UTRN: variants seen among roughly 807,000 people sequenced by gnomAD.
UTRN encodes the protein utrophin.
Under a neutral mutation model 463.9 loss-of-function variants are expected in UTRN, and 283 were observed. That is an observed-to-expected ratio of 0.61 (90% CI 0.55 to 0.67). UTRN has a LOEUF of 0.67. Among genes scored for constraint, UTRN ranks in the 30% least tolerant of loss-of-function variants. UTRN has a pLI of 0.00. For missense variants in UTRN, 3,922 were observed against 4,084.3 expected (o/e 0.96, Z 1.08); for synonymous variants, 1,442 against 1,431.5 (o/e 1.01, Z -0.17).
At chr6:144,730,549 C>A in intron 54 of UTRN, 63 bp downstream of exon 54, 1 of 1,452,390 alleles carries the variant, frequency 6.9e-7, no homozygotes, top group Non-Finnish European at 9.1e-7. Flanking sequence ...AACCCAAAAT[C>A]AAGTAGGAAA....
At chr6:144,367,821 G>A (rs1779638455) in intron 2 of UTRN, among the ~76,000 whole-genome samples, 1 of 151,974 alleles carries the variant, frequency 6.6e-6, no homozygotes, top group South Asian at 2.1e-4. Context: ...TCACTCTTTT[G>A]CCCAGGCTGG....
chr6:144,327,064 T>A (rs141671853), intron 2 of UTRN, among the ~76,000 whole-genome samples: 3 of 152,218 alleles, frequency 2.0e-5, no homozygotes, highest in East Asian at 3.9e-4. Context: ...CTGTCTGCTG[T>A]GTGAAGCCGA....
Position 144,469,733 on chromosome 6 carries a change from T to C in UTRN, c.3067-3987T>C, listed in dbSNP as rs527818313. Among the ~76,000 whole-genome samples, 30 of 150,546 alleles carry C rather than the reference T, an allele frequency of 2.0e-4. No homozygotes were observed. The South Asian group carries it at 6.3e-3, about 31-fold the overall frequency. ...TTTTTTTAGTATTTATTGATCATTT[T>C]TGGGTGTTTCTCGGAGAGGGGGATT... On this transcript the variant is annotated intron_variant, in intron 23 of 74. Coordinates refer to ENST00000367545, the MANE Select transcript of UTRN (RefSeq NM_007124.3).
intron 52 of UTRN, among the ~76,000 whole-genome samples, chr6:144,694,852 G>C (rs116980491): frequency 0.018 from 2,671 of 151,712 alleles, 33 homozygotes; most frequent in Admixed American, 0.026. Context: ...TCCTGGATAA[G>C]TTGATCTTTT....
chr6:144,468,356 G>C (rs1010511105), intron 23 of UTRN, among the ~76,000 whole-genome samples: 2 of 152,078 alleles, frequency 1.3e-5, no homozygotes, highest in East Asian at 1.9e-4. Context: ...GGTCCATGTA[G>C]ACTTTGACCC....
intron 53 of UTRN, among the ~76,000 whole-genome samples, chr6:144,703,800 A>C (rs1374348271): frequency 6.6e-6 from 1 of 152,214 alleles, no homozygotes; most frequent in East Asian, 1.9e-4. Flanking sequence ...TATGAACAAA[A>C]GTACAGAAAA....
At chr6:144,639,397 A>G (rs1777534168) in intron 51 of UTRN, among the ~76,000 whole-genome samples, 1 of 152,070 alleles carries the variant, frequency 6.6e-6, no homozygotes, top group African/African-American at 2.4e-5. Flanking sequence ...TTCACTGGAT[A>G]TACTCTTCCC....
At chr6:144,413,576 T>C (rs1784104203) in intron 3 of UTRN, among the ~76,000 whole-genome samples, 1 of 152,116 alleles carries the variant, frequency 6.6e-6, no homozygotes, top group South Asian at 2.1e-4. Flanking sequence ...ACTGGGCACC[T>C]CCCATGACAC....
chr6:144,667,024 TTCCTCCTCC>T (rs58206153), intron 51 of UTRN, among the ~76,000 whole-genome samples: 6 of 151,276 alleles, frequency 4.0e-5, no homozygotes, highest in African/African-American at 9.7e-5. Context: ...CTTCCTCTTC[TTCCTCCTCC>T]TCCTCCTCCT....
At chr6:144,735,603 G>C (rs1789295863) in intron 54 of UTRN, among the ~76,000 whole-genome samples, 1 of 152,148 alleles carries the variant, frequency 6.6e-6, no homozygotes, top group Non-Finnish European at 1.5e-5. Flanking sequence ...AAAAAAATAA[G>C]AAGTTCACTT....
At chr6:144,557,611 A>G (rs1799506668) in intron 50 of UTRN, among the ~76,000 whole-genome samples, 1 of 152,036 alleles carries the variant, frequency 6.6e-6, no homozygotes, top group Non-Finnish European at 1.5e-5. Flanking sequence ...TCTAGAATAC[A>G]CTTTGTAGTC....
intron 2 of UTRN, among the ~76,000 whole-genome samples, chr6:144,355,101 G>A (rs993267294): frequency 6.6e-6 from 1 of 152,008 alleles, no homozygotes; most frequent in Non-Finnish European, 1.5e-5. Context: ...GTTGTTGTTC[G>A]GTGAATGAGA....
At chr6:144,325,263 A>G (rs936576630) in intron 2 of UTRN, among the ~76,000 whole-genome samples, 1 of 152,226 alleles carries the variant, frequency 6.6e-6, no homozygotes, top group Non-Finnish European at 1.5e-5. Flanking sequence ...TGATTAGGTC[A>G]TGAGAGCTCT....
At chr6:144,711,965 C>CTG (rs3061883) in intron 53 of UTRN, among the ~76,000 whole-genome samples, 13,029 of 150,930 alleles carry the variant, frequency 0.086, 744 homozygotes, top group Admixed American at 0.2. Context: ...TAAATTTAGG[C>CTG]TGTGTGTGTG....
At chr6:144,321,915 A>G (rs1775683328) in intron 2 of UTRN, among the ~76,000 whole-genome samples, 1 of 151,480 alleles carries the variant, frequency 6.6e-6, no homozygotes, top group African/African-American at 2.4e-5. Context: ...AGGTGCCTAC[A>G]TTCACGCCTG....
chr6:144,544,260 A>G (rs1449080338), intron 46 of UTRN, among the ~76,000 whole-genome samples: 1 of 152,192 alleles, frequency 6.6e-6, no homozygotes, highest in Non-Finnish European at 1.5e-5. Flanking sequence ...TCTTTTTAAC[A>G]TTTTATTTAG....
At chr6:144,288,630 T>C (rs1803908671) in intron 1 of UTRN, among the ~76,000 whole-genome samples, 1 of 152,050 alleles carries the variant, frequency 6.6e-6, no homozygotes, top group South Asian at 2.1e-4. Context: ...AAGAATGTAA[T>C]CATATAATAA....
chr6:144,554,986 C>T, intron 49 of UTRN, 93 bp downstream of exon 49: 1 of 1,355,938 alleles, frequency 7.4e-7, no homozygotes, highest in Non-Finnish European at 1.0e-6. Flanking sequence ...AGGACCCTGC[C>T]ATGTTTTTTC....
chr6:144,689,106 G>A (rs1277006662), intron 52 of UTRN, among the ~76,000 whole-genome samples: 2 of 152,154 alleles, frequency 1.3e-5, no homozygotes, highest in Non-Finnish European at 2.9e-5. Context: ...TCCATCTGTA[G>A]GAATGCTGAT....
Sources: gnomAD v4.1 joint callset for allele counts (sites outside exome capture counted in the v4.1 genomes callset) on GRCh38, gnomAD v4.1.1 for gene constraint, MANE v1.5 for transcripts, NCBI Gene and HGNC (gene_info 2026-07-23, HGNC 2026-07-21) for gene names.